CYRIA: variants seen among roughly 807,000 people sequenced by gnomAD.
CYRIA encodes the protein CYFIP-related Rac1 interactor A.
In CYRIA, 15 loss-of-function variants were observed where a neutral mutation model predicts 43.9. That is an observed-to-expected ratio of 0.34 (90% confidence interval 0.23 to 0.53). The LOEUF (loss-of-function observed/expected upper bound fraction) is 0.53. Among genes scored for constraint, CYRIA ranks in the 20% least tolerant of loss-of-function variants. The pLI is 0.94. For missense variants in CYRIA, 236 were observed against 394.2 expected, an observed-to-expected ratio of 0.60 and a Z score of 3.40; for synonymous variants, 117 against 136.0, an observed-to-expected ratio of 0.86 and a Z score of 0.97.
chr2:16,552,637 T>A lies in CYRIA; in HGVS notation c.*299A>T, dbSNP rs1453538817. 3 of 270,194 alleles carry A rather than the reference T, an allele frequency of 1.1e-5. No homozygotes were observed. Among genetic ancestry groups the A allele is most frequent in the African/African-American group, 6.6e-5 (3 of 45,188 alleles). The allele number at this position is 270,194 out of a possible 1,614,324, so 16.7% of individuals were successfully genotyped here. A position where few individuals can be genotyped will look rare whatever the true frequency, so the allele number is the denominator to read the frequency against. ...AGAATTAAAATACTACCACAAACAA[T>A]TAGGAATTTTTTATCGTTATAGATG... is the stretch of plus-strand genomic sequence containing the variant. On this transcript the variant is annotated 3_prime_UTR_variant, in exon 12 of 12. Coordinates refer to ENST00000381323, the MANE Select transcript of CYRIA (RefSeq NM_030797.4).
chr2:16,580,097 G>A (rs200764090), intron 3 of CYRIA, among the ~76,000 whole-genome samples: 1 of 151,914 alleles, frequency 6.6e-6, no homozygotes, highest in East Asian at 1.9e-4. Flanking sequence ...ACAGGTGCAT[G>A]CCACCATGCC....
intron 2 of CYRIA, among the ~76,000 whole-genome samples, chr2:16,605,629 G>A (rs1436740139): frequency 6.6e-6 from 1 of 152,264 alleles, no homozygotes; most frequent in South Asian, 2.1e-4. Flanking sequence ...TGTCATGTTG[G>A]GCAAGTTGCT....
chr2:16,602,556 T>C (rs752501737), intron 2 of CYRIA, among the ~76,000 whole-genome samples: 1 of 152,174 alleles, frequency 6.6e-6, no homozygotes, highest in African/African-American at 2.4e-5. Flanking sequence ...TGACCAGGTA[T>C]AGTAAGTGTC....
chr2:16,561,179 T>C lies in CYRIA; in HGVS notation c.612A>G (p.Thr204=), dbSNP rs1340216264. The C allele has an allele frequency of 1.2e-6, 2 of 1,613,710 alleles. No individual in the cohort carries two copies. Among genetic ancestry groups the C allele is most frequent in the African/African-American group, 1.3e-5 (1 of 75,020 alleles). The change falls in exon 8 of 12, where the codon ACA becomes ACG. Residue 204 remains threonine (T), a synonymous_variant. Transcript: ENST00000381323. ...TPMLKTLSNA[T]MHFVSENKTL... ...CACTTACTTCAGAGACAAAGTGCAT[T>C]GTGGCATTGCTAAGGGTTTTCAGCA...
chr2:16,646,271 C>A (rs1304352241), intron 1 of CYRIA, among the ~76,000 whole-genome samples: 1 of 152,262 alleles, frequency 6.6e-6, no homozygotes, highest in Non-Finnish European at 1.5e-5. Context: ...CCTGTGGCTA[C>A]AAGCAGCTTC....
chr2:16,584,924 T>G (rs1287004448), intron 3 of CYRIA, among the ~76,000 whole-genome samples: 1 of 152,162 alleles, frequency 6.6e-6, no homozygotes, highest in Non-Finnish European at 1.5e-5. Context: ...TTTCCTTCCT[T>G]ACTGTCATGC....
intron 3 of CYRIA, among the ~76,000 whole-genome samples, chr2:16,577,716 A>G (rs183717272): frequency 2.0e-3 from 305 of 152,376 alleles, no homozygotes; most frequent in Non-Finnish European, 3.5e-3. Flanking sequence ...AGGACAGTCT[A>G]TGTCAGCCTG....
rs1666232523 is a variant in CYRIA, at chr2:16,549,879, C to T, written c.*3057G>A. 1 of 151,870 alleles carries T rather than the reference C, an allele frequency of 6.6e-6. No homozygotes were observed. 9.4% of individuals were successfully genotyped at this position (151,870 alleles called of 1,614,324 possible). Reference sequence around the variant, plus strand: ...TTAATTTAATGGTGATAACTAGGAGCAAATGTTGATCAAGCATGATGTTAA... The same window carrying T: ...TTAATTTAATGGTGATAACTAGGAGTAAATGTTGATCAAGCATGATGTTAA... On this transcript the variant is annotated 3_prime_UTR_variant, in exon 12 of 12. Coordinates refer to ENST00000381323, the MANE Select transcript of CYRIA (RefSeq NM_030797.4).
At position 16,565,776 on chromosome 2, in the gene CYRIA, CAG is replaced by C. The variant is rs757203832; in HGVS notation, c.71-11_71-10del. On this transcript the variant is annotated splice_polypyrimidine_tract_variant and intron_variant, in intron 3 of 11. Coordinates refer to ENST00000381323, the MANE Select transcript of CYRIA (RefSeq NM_030797.4). ...TTCTGTAGGCTGAGCATCTAAGAAACAGGGAAACCGAGAGACAGAGTGCTGGT... is the reference window on the plus strand; with the variant it reads ...TTCTGTAGGCTGAGCATCTAAGAAACGGAAACCGAGAGACAGAGTGCTGGT... 15 of 1,554,494 alleles carry C rather than the reference CAG, an allele frequency of 9.6e-6. No homozygotes were observed. The African/African-American group carries it at 1.9e-4, about 20-fold the overall frequency.
At chr2:16,619,672 C>G (rs1481587428) in intron 2 of CYRIA, among the ~76,000 whole-genome samples, 1 of 152,174 alleles carries the variant, frequency 6.6e-6, no homozygotes. Context: ...AAGATCAATT[C>G]AAATTAGTCA....
intron 1 of CYRIA, among the ~76,000 whole-genome samples, chr2:16,664,508 T>C (rs1670340699): frequency 6.6e-6 from 1 of 152,210 alleles, no homozygotes; most frequent in African/African-American, 2.4e-5. Context: ...CTCTGCCTCC[T>C]GTCTCCACTG....
At chr2:16,643,568 AT>A (rs1376132142) in intron 1 of CYRIA, among the ~76,000 whole-genome samples, 1 of 152,228 alleles carries the variant, frequency 6.6e-6, no homozygotes, top group Non-Finnish European at 1.5e-5. Context: ...TTGGTTAATA[AT>A]TGTGTACACG....
At position 16,585,990 on chromosome 2, in the gene CYRIA, T is replaced by C. The variant is rs559475744; in HGVS notation, c.70+2060A>G. Among the ~76,000 whole-genome samples the C allele has an allele frequency of 2.0e-4, 30 of 152,234 alleles. 1 individual carries two copies. In the South Asian group the frequency reaches 2.1e-3, roughly 11 times the overall value. ...TGGATCACTTTAAAGGCTTTTGAGATTAGACTTGACCAAGAACTCAACACT... is the reference window on the plus strand; with the variant it reads ...TGGATCACTTTAAAGGCTTTTGAGACTAGACTTGACCAAGAACTCAACACT... On this transcript the variant is annotated intron_variant, in intron 3 of 11. Coordinates refer to ENST00000381323, the MANE Select transcript of CYRIA (RefSeq NM_030797.4).
rs549124594 is a variant in CYRIA, at chr2:16,564,931, A to T, written c.192+715T>A. On this transcript the variant is annotated intron_variant, in intron 4 of 11. Transcript: ENST00000381323. The stretch of plus-strand genomic sequence containing the variant: ...GGCTGTTGTGTATCACACTGGTGGA[A>T]CCTGCCTGAGTAATTACCAAATGCC... Among the ~76,000 whole-genome samples the T allele has an allele frequency of 5.3e-5, 8 of 152,312 alleles. No homozygotes were observed. The East Asian group carries it at 1.5e-3, about 29-fold the overall frequency.
At chr2:16,553,927 A>G (rs1159782261) in intron 11 of CYRIA, among the ~76,000 whole-genome samples, 2 of 152,134 alleles carry the variant, frequency 1.3e-5, no homozygotes, top group Non-Finnish European at 1.5e-5. Flanking sequence ...ACACCAGGAG[A>G]AAACCTTAGT....
rs559817819 is a variant in CYRIA, at chr2:16,581,307, TA to T, written c.70+6742del. Among the ~76,000 whole-genome samples, 25 of 152,266 alleles carry T rather than the reference TA, an allele frequency of 1.6e-4. No homozygotes were observed. The South Asian group carries it at 2.7e-3, about 16-fold the overall frequency. ...CAAAAGACATGACAAGATATTTTCTTAAATAGATAAGCAACTATACAATAAG... is the reference window on the plus strand; with the variant it reads ...CAAAAGACATGACAAGATATTTTCTTAATAGATAAGCAACTATACAATAAG... On this transcript the variant is annotated intron_variant, in intron 3 of 11. Coordinates refer to ENST00000381323, the MANE Select transcript of CYRIA (RefSeq NM_030797.4).
rs1666668876 is a variant in CYRIA at position 16,559,920 on chromosome 2, G to A, written c.711-334C>T. Among the ~76,000 whole-genome samples the A allele has an allele frequency of 2.0e-5, 3 of 152,138 alleles. No homozygotes were observed. The South Asian group carries it at 6.2e-4, about 31-fold the overall frequency. On this transcript the variant is annotated intron_variant, in intron 9 of 11. Transcript: ENST00000381323. ...GTCCCTCTGGCTGTCCAAGATTATAGAGAGTAATGGCTTCATTACAGAGAA... is the reference window on the plus strand; with the variant it reads ...GTCCCTCTGGCTGTCCAAGATTATAAAGAGTAATGGCTTCATTACAGAGAA...
chr2:16,585,087 T>C (rs1175928117), intron 3 of CYRIA, among the ~76,000 whole-genome samples: 1 of 152,072 alleles, frequency 6.6e-6, no homozygotes, highest in East Asian at 1.9e-4. Context: ...CTCACAACCA[T>C]ATTCAACATG....
At chr2:16,622,040 A>G (rs2103508095) in intron 2 of CYRIA, among the ~76,000 whole-genome samples, 1 of 152,310 alleles carries the variant, frequency 6.6e-6, no homozygotes, top group East Asian at 1.9e-4. Flanking sequence ...TGACTGGGTG[A>G]ATGACTGCCT....
Sources: gnomAD v4.1 joint callset for allele counts (sites outside exome capture counted in the v4.1 genomes callset) on GRCh38, gnomAD v4.1.1 for gene constraint, MANE v1.5 for transcripts, NCBI Gene and HGNC (gene_info 2026-07-23, HGNC 2026-07-21) for gene names.